The following STX2 variants were observed in gnomAD, a reference collection of about 807,000 sequenced individuals.
The protein encoded by STX2 is syntaxin 2.
STX2 carries 27 observed loss-of-function variants against 40.6 expected under a neutral mutation model. The ratio of observed to expected loss-of-function variants is 0.66; its 90% CI spans 0.49 to 0.92. The LOEUF is 0.92. Among genes scored for constraint, STX2 ranks in the 40% least tolerant of loss-of-function variants. The pLI, the probability that STX2 is intolerant of heterozygous loss-of-function variation, is 0.00. For missense variants in STX2, 328 were observed against 366.1 expected (o/e 0.90, Z 0.85); for synonymous variants, 123 against 119.1 (o/e 1.03, Z -0.22).
intron 6 of STX2, among the ~76,000 whole-genome samples, chr12:130,805,723 T>C (rs375136662): frequency 3.5e-4 from 53 of 152,332 alleles, no homozygotes; most frequent in African/African-American, 1.2e-3. Context: ...CATGCTCATG[T>C]GATTTAACTA....
intron 6 of STX2, among the ~76,000 whole-genome samples, chr12:130,804,363 C>T (rs1403460974): frequency 6.6e-6 from 1 of 152,232 alleles, no homozygotes; most frequent in African/African-American, 2.4e-5. Context: ...AGCAAAACCA[C>T]CGTGATGACC....
At chr12:130,811,169 C>T (rs1951634401) in intron 4 of STX2, among the ~76,000 whole-genome samples, 1 of 152,042 alleles carries the variant, frequency 6.6e-6, no homozygotes, top group South Asian at 2.1e-4. Flanking sequence ...ACCAGCCTGG[C>T]CAACATGGCG....
chr12:130,814,834 G>A (rs1342779333), intron 3 of STX2, among the ~76,000 whole-genome samples: 2 of 151,718 alleles, frequency 1.3e-5, no homozygotes, highest in African/African-American at 4.8e-5. Flanking sequence ...ATGGGGTTTC[G>A]CCATATTGGC....
intron 3 of STX2, among the ~76,000 whole-genome samples, chr12:130,818,382 G>GC (rs1315770911): frequency 1.3e-5 from 2 of 148,840 alleles, no homozygotes; most frequent in African/African-American, 5.1e-5. Context: ...TCTGGAGGGT[G>GC]GGGGGGAGAG....
intron 1 of STX2, among the ~76,000 whole-genome samples, chr12:130,830,208 TACTGTGGAGGCTGC>T (rs1332502788): frequency 6.6e-6 from 1 of 152,108 alleles, no homozygotes; most frequent in Non-Finnish European, 1.5e-5. Context: ...AGGCAGATGC[TACTGTGGAGGCTGC>T]ACCTGCAGCT....
At chr12:130,825,099 C>T (rs2136330054) in intron 2 of STX2, among the ~76,000 whole-genome samples, 1 of 150,712 alleles carries the variant, frequency 6.6e-6, no homozygotes, top group East Asian at 2.0e-4. Context: ...TGCAGTGGCA[C>T]AATCTCAGCT....
intron 1 of STX2, among the ~76,000 whole-genome samples, chr12:130,829,036 G>A (rs1302048932): frequency 6.6e-6 from 1 of 151,988 alleles, no homozygotes; most frequent in Non-Finnish European, 1.5e-5. Flanking sequence ...TCGGTTCCCA[G>A]GGTCTGCAGG....
Position 130,796,091 on chromosome 12 carries a change from C to T in STX2, c.816G>A (p.Val272=). ...RKKWIIIAVS[V]VLVAIIALII... ...TTAGAGCGATTATGGCAACCAGAACCACTGACACAGCAATAATTATCCACT... is the reference window on the plus strand; with the variant it reads ...TTAGAGCGATTATGGCAACCAGAACTACTGACACAGCAATAATTATCCACT... The change falls in exon 10 of 11, where the codon GTG becomes GTA. Residue 272 remains valine (V), a synonymous_variant. Transcript: ENST00000392373. The T allele has an allele frequency of 6.2e-7, 1 of 1,614,174 alleles. No homozygotes were observed. The highest frequency in any genetic ancestry group is 1.1e-5 in the South Asian group (1 of 91,080).
intron 4 of STX2, among the ~76,000 whole-genome samples, chr12:130,808,963 C>T (rs184386279): frequency 2.6e-5 from 4 of 152,330 alleles, no homozygotes; most frequent in Admixed American, 2.0e-4. Flanking sequence ...GCCTCCCAGG[C>T]TCAAGCAGTC....
intron 10 of STX2, among the ~76,000 whole-genome samples, chr12:130,793,158 G>A (rs1197309529): frequency 6.6e-6 from 1 of 152,144 alleles, no homozygotes; most frequent in Non-Finnish European, 1.5e-5. Context: ...TTATCAAGAG[G>A]CGCATGGCAG....
chr12:130,799,036 T>C (rs1168788949), intron 8 of STX2, among the ~76,000 whole-genome samples: 1 of 152,208 alleles, frequency 6.6e-6, no homozygotes, highest in Admixed American at 6.5e-5. Context: ...TTCCACAAAG[T>C]AGAAAATTGT....
intron 10 of STX2, among the ~76,000 whole-genome samples, chr12:130,794,371 A>T (rs958749278): frequency 6.6e-6 from 1 of 152,264 alleles, no homozygotes; most frequent in African/African-American, 2.4e-5. Context: ...CACACGCAGC[A>T]TCCCAGAGCT....
intron 1 of STX2, among the ~76,000 whole-genome samples, chr12:130,835,682 C>T (rs1565942701): frequency 6.6e-6 from 1 of 152,172 alleles, no homozygotes. Flanking sequence ...TGTCTCTCTG[C>T]ACCCAGCACA....
intron 1 of STX2, among the ~76,000 whole-genome samples, chr12:130,830,097 A>G (rs563371241): frequency 6.6e-6 from 1 of 152,302 alleles, no homozygotes; most frequent in East Asian, 1.9e-4. Flanking sequence ...CAGGCTCAAC[A>G]ATGGTCAAGC....
intron 3 of STX2, among the ~76,000 whole-genome samples, chr12:130,819,371 C>T (rs1023317340): frequency 6.6e-6 from 1 of 152,052 alleles, no homozygotes; most frequent in South Asian, 2.1e-4. Context: ...GAGCCTGTCC[C>T]TCTCTGCGTT....
intron 3 of STX2, 67 bp from the exon 4 acceptor site, chr12:130,813,098 T>G (rs1286931898): frequency 1.0e-6 from 1 of 987,438 alleles, no homozygotes. Flanking sequence ...ATAAATGATA[T>G]CCAATAAATT....
chr12:130,819,884 C>T (rs942127681), intron 3 of STX2, among the ~76,000 whole-genome samples: 25 of 152,132 alleles, frequency 1.6e-4, no homozygotes, highest in Admixed American at 1.2e-3. Context: ...CCTGGCTGCA[C>T]GGACTAGCTC....
intron 4 of STX2, among the ~76,000 whole-genome samples, chr12:130,811,381 A>C (rs960037378): frequency 6.8e-6 from 1 of 147,494 alleles, no homozygotes; most frequent in African/African-American, 2.5e-5. Context: ...AAAAATCAGG[A>C]TATTACTGCT....
intron 3 of STX2, 36 bp downstream of exon 3, chr12:130,821,653 C>CAT: frequency 6.5e-7 from 1 of 1,546,610 alleles, no homozygotes; most frequent in South Asian, 1.1e-5. Context: ...GACACACAGA[C>CAT]AGACAAACGT....
Sources: allele counts gnomAD v4.1 joint callset (sites outside exome capture counted in the v4.1 genomes callset), GRCh38; gene constraint gnomAD v4.1.1; transcripts MANE v1.5; gene names NCBI Gene and HGNC (gene_info 2026-07-23, HGNC 2026-07-21).